The following SNX24 variants were observed in gnomAD, a reference collection of about 807,000 sequenced individuals.
The protein encoded by SNX24 is sorting nexin 24, also known as sorting nexin-24.
SNX24 carries 22 observed loss-of-function variants against 28.7 expected under a neutral mutation model. The observed-to-expected ratio is 0.77, with a 90% CI of 0.55 to 1.10. The LOEUF (loss-of-function observed/expected upper bound fraction) is 1.10, where lower values mean the gene tolerates loss of function less well. Among genes scored for constraint, SNX24 ranks in the 50% least tolerant of loss-of-function variants. The probability of loss-of-function intolerance (pLI) is 0.00; values close to 1 mark genes in which losing one functional copy is unlikely to be tolerated. For synonymous variants in SNX24, 69 were observed against 71.5 expected (o/e 0.96, Z 0.18); for missense variants, 221 against 201.1 (o/e 1.10, Z -0.60).
At chr5:122,986,185 A>G (rs1287196576) in intron 3 of SNX24, among the ~76,000 whole-genome samples, 1 of 152,156 alleles carries the variant, frequency 6.6e-6, no homozygotes, top group Non-Finnish European at 1.5e-5. Flanking sequence ...TGTTCAAAGA[A>G]ATACTGAGTT....
chr5:122,966,485 A>C (rs1760720012), intron 3 of SNX24, among the ~76,000 whole-genome samples: 1 of 152,080 alleles, frequency 6.6e-6, no homozygotes, highest in Non-Finnish European at 1.5e-5. Flanking sequence ...TGATACATAA[A>C]GAAAAGAGAT....
At chr5:122,951,184 G>A (rs1317828873) in intron 3 of SNX24, among the ~76,000 whole-genome samples, 6 of 149,094 alleles carry the variant, frequency 4.0e-5, no homozygotes, top group Admixed American at 2.7e-4. Context: ...GGAGAATGGC[G>A]TGAACCCGGG....
At chr5:122,906,165 G>T (rs976084502) in intron 1 of SNX24, among the ~76,000 whole-genome samples, 1 of 152,186 alleles carries the variant, frequency 6.6e-6, no homozygotes, top group Non-Finnish European at 1.5e-5. Context: ...GTACAAGGTG[G>T]TAGTATAGAG....
At chr5:122,916,411 T>C (rs1037304117) in intron 1 of SNX24, among the ~76,000 whole-genome samples, 1 of 152,260 alleles carries the variant, frequency 6.6e-6, no homozygotes, top group Non-Finnish European at 1.5e-5. Flanking sequence ...TGCTTTGTTC[T>C]GTTGGCATCA....
intron 4 of SNX24, 132 bp from the exon 5 acceptor site, chr5:123,001,273 A>G (rs1762234725): frequency 1.5e-6 from 1 of 675,468 alleles, no homozygotes; most frequent in Admixed American, 2.4e-5. Flanking sequence ...CTCAGTGGAA[A>G]CTCACAGCTC....
intron 1 of SNX24, among the ~76,000 whole-genome samples, chr5:122,903,860 C>T (rs1327798128): frequency 2.0e-5 from 3 of 152,064 alleles, no homozygotes; most frequent in Non-Finnish European, 4.4e-5. Flanking sequence ...TGGTGGACTA[C>T]TTTCTAATTA....
At chr5:122,993,707 A>G (rs897923356) in intron 3 of SNX24, among the ~76,000 whole-genome samples, 3 of 152,186 alleles carry the variant, frequency 2.0e-5, no homozygotes, top group African/African-American at 7.2e-5. Flanking sequence ...GAGGACTACA[A>G]AGCCTCTGTG....
chr5:122,973,861 C>A (rs143406700), intron 3 of SNX24, among the ~76,000 whole-genome samples: 1 of 152,128 alleles, frequency 6.6e-6, no homozygotes, highest in African/African-American at 2.4e-5. Context: ...ATCTTAGAGG[C>A]CTTTGCTGTA....
chr5:122,933,869 G>A (rs1441999241), intron 1 of SNX24, among the ~76,000 whole-genome samples: 2 of 148,742 alleles, frequency 1.3e-5, no homozygotes, highest in Admixed American at 6.7e-5. Context: ...CACACCCTCC[G>A]CCTCCTGGGT....
intron 1 of SNX24, among the ~76,000 whole-genome samples, chr5:122,914,184 T>C (rs935975891): frequency 1.3e-5 from 2 of 152,212 alleles, no homozygotes; most frequent in African/African-American, 4.8e-5. Context: ...TCTGTTTATA[T>C]GCTGGATATA....
intron 1 of SNX24, among the ~76,000 whole-genome samples, chr5:122,874,376 C>A (rs963997437): frequency 2.0e-5 from 3 of 152,040 alleles, no homozygotes; most frequent in Non-Finnish European, 4.4e-5. Context: ...TGGTCCCTGC[C>A]CAGAAGGACA....
intron 1 of SNX24, among the ~76,000 whole-genome samples, chr5:122,916,012 G>T (rs1020083696): frequency 6.6e-6 from 1 of 152,208 alleles, no homozygotes; most frequent in East Asian, 1.9e-4. Flanking sequence ...ATAGCATGGC[G>T]AAGATGATTC....
chr5:123,025,669 CCAGT>C, intron 5 of SNX24: 1 of 1,060,888 alleles, frequency 9.4e-7, no homozygotes, highest in Non-Finnish European at 1.4e-6. Flanking sequence ...TTTGAAGAGG[CCAGT>C]CAGCTATATA....
chr5:122,910,453 CT>C (rs1388155427), intron 1 of SNX24, among the ~76,000 whole-genome samples: 1 of 151,914 alleles, frequency 6.6e-6, no homozygotes, highest in Admixed American at 6.6e-5. Context: ...GAAAGACAGA[CT>C]TTTTTTTGTT....
chr5:122,856,794 G>T (rs1755214741), intron 1 of SNX24, among the ~76,000 whole-genome samples: 1 of 152,034 alleles, frequency 6.6e-6, no homozygotes, highest in Non-Finnish European at 1.5e-5. Context: ...GGGAATACAG[G>T]CATGAGCTAC....
intron 2 of SNX24, among the ~76,000 whole-genome samples, chr5:122,940,551 A>C (rs1263363928): frequency 6.6e-6 from 1 of 152,120 alleles, no homozygotes; most frequent in Non-Finnish European, 1.5e-5. Flanking sequence ...CAAATCACCA[A>C]AAATACAGTG....
chr5:122,938,194 C>T (rs1459523399), intron 2 of SNX24, among the ~76,000 whole-genome samples: 1 of 152,110 alleles, frequency 6.6e-6, no homozygotes, highest in East Asian at 1.9e-4. Context: ...CGAGGCTGCC[C>T]GTGCTTCTGG....
chr5:122,874,120 C>G (rs925927676), intron 1 of SNX24, among the ~76,000 whole-genome samples: 1 of 152,188 alleles, frequency 6.6e-6, no homozygotes, highest in Non-Finnish European at 1.5e-5. Flanking sequence ...GTAGTTAAAT[C>G]AGCTCATCCT....
At chr5:122,904,570 C>T (rs940849286) in intron 1 of SNX24, among the ~76,000 whole-genome samples, 1 of 151,992 alleles carries the variant, frequency 6.6e-6, no homozygotes. Context: ...AATGCCTAGC[C>T]TTTTCTACAA....
Sources: gnomAD v4.1 joint callset for allele counts (sites outside exome capture counted in the v4.1 genomes callset) on GRCh38, gnomAD v4.1.1 for gene constraint, MANE v1.5 for transcripts, NCBI Gene and HGNC (gene_info 2026-07-23, HGNC 2026-07-21) for gene names.